ATRN: variants seen among roughly 807,000 people sequenced by gnomAD.
The protein encoded by ATRN is attractin.
A neutral mutation model predicts 178.7 loss-of-function variants in ATRN; 54 were observed. The observed-to-expected ratio is 0.30, with a 90% CI of 0.24 to 0.38. The LOEUF (loss-of-function observed/expected upper bound fraction) is 0.38. Among genes scored for constraint, ATRN ranks in the 10% least tolerant of loss-of-function variants. The pLI is 1.00. For synonymous variants in ATRN, 636 were observed against 663.0 expected (o/e 0.96, Z 0.63); for missense variants, 1,443 against 1,815.1 (o/e 0.79, Z 3.73).
chr20:3,540,268 T>G lies in ATRN; in HGVS notation c.541T>G (p.Cys181Gly). 6.2e-7 allele frequency: 1 copy of G among 1,610,320 alleles called. No individual in the cohort carries two copies. Among genetic ancestry groups the G allele is most frequent in the Non-Finnish European group, 8.5e-7 (1 of 1,178,356 alleles). The change falls in exon 3 of 29, where the codon TGT becomes GGT. Residue 181 changes from cysteine (C) to glycine (G), a missense_variant. By Grantham distance (159) the Cys-to-Gly change is radical. Transcript: ENST00000262919. ...RLRFNHFATECSWDHLYVYDG... is the reference protein window; with the variant it reads ...RLRFNHFATEGSWDHLYVYDG... ...TCGTTTCAATCATTTTGCTACAGAG[T>G]GTAGTTGGGACCATTTATATGTTTA...
intron 3 of ATRN, 50 bp downstream of exon 3, chr20:3,540,385 A>T: frequency 8.3e-7 from 1 of 1,197,896 alleles, no homozygotes; most frequent in Non-Finnish European, 1.2e-6. Flanking sequence ...TCTAAATTTA[A>T]ACATATCTTC....
intron 11 of ATRN, among the ~76,000 whole-genome samples, chr20:3,566,995 A>G (rs933246325): frequency 6.6e-6 from 1 of 151,744 alleles, no homozygotes; most frequent in African/African-American, 2.4e-5. Context: ...GGAACTAGCT[A>G]CTAGGAAAAG....
chr20:3,473,736 C>T (rs887037496), intron 1 of ATRN, among the ~76,000 whole-genome samples: 2 of 152,014 alleles, frequency 1.3e-5, no homozygotes, highest in Admixed American at 6.5e-5. Context: ...TGGGGACCAG[C>T]GGTGTGGGAA....
chr20:3,598,362 G>T (rs1276841418), intron 22 of ATRN, among the ~76,000 whole-genome samples: 1 of 152,140 alleles, frequency 6.6e-6, no homozygotes, highest in Non-Finnish European at 1.5e-5. Context: ...AGACACTGCT[G>T]ATTGAAATGC....
chr20:3,639,032 C>T lies in ATRN; in HGVS notation c.4050+97C>T, dbSNP rs192272318. The T allele has an allele frequency of 9.7e-5, 81 of 835,108 alleles. 1 individual carries two copies. In the Admixed American group the frequency reaches 2.1e-3, roughly 22 times the overall value. 51.7% of individuals were successfully genotyped at this position (835,108 alleles called of 1,614,324 possible). ...AGAGAGCAAAAGCCCTATTCCATTACCTCCTTTTTTTCCTCTCTTTCTTTT... is the reference window on the plus strand; with the variant it reads ...AGAGAGCAAAAGCCCTATTCCATTATCTCCTTTTTTTCCTCTCTTTCTTTT... On this transcript the variant is annotated intron_variant, in intron 27 of 28. Transcript: ENST00000262919.
At chr20:3,626,427 A>T (rs2086940524) in intron 25 of ATRN, among the ~76,000 whole-genome samples, 1 of 152,206 alleles carries the variant, frequency 6.6e-6, no homozygotes, top group African/African-American at 2.4e-5. Context: ...AGTGTAATAT[A>T]AAGTTACAGA....
At chr20:3,557,138 A>G (rs1192478996) in intron 6 of ATRN, among the ~76,000 whole-genome samples, 1 of 152,240 alleles carries the variant, frequency 6.6e-6, no homozygotes, top group Non-Finnish European at 1.5e-5. Context: ...ATTCCAAAAA[A>G]GCTTTGCAGT....
chr20:3,541,343 C>T (rs1385363032), intron 3 of ATRN, among the ~76,000 whole-genome samples: 1 of 152,108 alleles, frequency 6.6e-6, no homozygotes, highest in African/African-American at 2.4e-5. Context: ...TCCCAAAGTG[C>T]TGGGATTACA....
rs890708060 is a variant in ATRN at position 3,632,771 on chromosome 20, A to G, written c.3864-1540A>G. On this transcript the variant is annotated intron_variant, in intron 25 of 28. Transcript: ENST00000262919. The surrounding 1 kb of genome is among the most constrained non-coding windows in gnomAD (Gnocchi z 4.2). ...CTCCACCTGCTGGAATGTAAATTCC[A>G]TGGGACAGTAATCTTTGCTCTGTTT... Among the ~76,000 whole-genome samples the G allele has an allele frequency of 6.6e-6, 1 of 152,216 alleles. No homozygotes were observed. The highest frequency in any genetic ancestry group is 1.5e-5 in the Non-Finnish European group (1 of 68,046).
chr20:3,529,479 A>C (rs536916693), intron 1 of ATRN, among the ~76,000 whole-genome samples: 1 of 152,366 alleles, frequency 6.6e-6, no homozygotes, highest in South Asian at 2.1e-4. Context: ...CATACAAGAG[A>C]ATACTACTCA....
chr20:3,540,398 G>T, intron 3 of ATRN, 63 bp downstream of exon 3: 1 of 1,069,736 alleles, frequency 9.3e-7, no homozygotes, highest in Non-Finnish European at 1.4e-6. Context: ...ATATCTTCTG[G>T]ATTGCATTCT....
At position 3,649,749 on chromosome 20, in the gene ATRN, A is replaced by G. The variant is rs1370441515; in HGVS notation, c.*2902A>G. ...TGAGAAATGTTTCTCTTAGTCTTTA[A>G]GTTCAAAGACTAACCTGTAGCAATC... On this transcript the variant is annotated 3_prime_UTR_variant, in exon 29 of 29. Coordinates refer to ENST00000262919, the MANE Select transcript of ATRN (RefSeq NM_139321.3). 6.6e-6 allele frequency: 1 copy of G among 152,184 alleles called. No homozygotes were observed. Among genetic ancestry groups the G allele is most frequent in the African/African-American group, 2.4e-5 (1 of 41,434 alleles). The allele number at this position is 152,184 out of a possible 1,614,324, so 9.4% of individuals were successfully genotyped here.
chr20:3,569,916 C>CA (rs2086095193), intron 11 of ATRN, among the ~76,000 whole-genome samples: 1 of 151,920 alleles, frequency 6.6e-6, no homozygotes, highest in South Asian at 2.1e-4. Context: ...ACTAGAAATA[C>CA]AAAAATTAGC....
chr20:3,618,306 G>T (rs1175769172), intron 24 of ATRN, among the ~76,000 whole-genome samples: 1 of 152,154 alleles, frequency 6.6e-6, no homozygotes, highest in East Asian at 1.9e-4. Flanking sequence ...GCCTAAAATG[G>T]ATAGATCAGG....
At chr20:3,620,164 T>C (rs2086885722) in intron 24 of ATRN, among the ~76,000 whole-genome samples, 1 of 152,044 alleles carries the variant, frequency 6.6e-6, no homozygotes, top group African/African-American at 2.4e-5. Flanking sequence ...TTTTTTTTTT[T>C]CAATGCAGTT....
At chr20:3,640,888 G>A (rs1050886433) in intron 27 of ATRN, among the ~76,000 whole-genome samples, 2 of 152,230 alleles carry the variant, frequency 1.3e-5, no homozygotes, top group Admixed American at 1.3e-4. Flanking sequence ...AAATGGATAA[G>A]CACAACGTGG....
intron 10 of ATRN, 84 bp downstream of exon 10, chr20:3,563,447 C>CT: frequency 1.4e-6 from 2 of 1,395,326 alleles, no homozygotes; most frequent in Non-Finnish European, 1.9e-6. Flanking sequence ...GAAAATATTG[C>CT]CAGTTCAAAA....
At position 3,647,672 on chromosome 20, in the gene ATRN, G is replaced by C. The variant is rs925163587; in HGVS notation, c.*825G>C. 1 of 152,116 alleles carries C rather than the reference G, an allele frequency of 6.6e-6. No individual in the cohort carries two copies. Among genetic ancestry groups the C allele is most frequent in the Non-Finnish European group, 1.5e-5 (1 of 68,026 alleles). 9.4% of individuals were successfully genotyped at this position (152,116 alleles called of 1,614,324 possible). ...TTTAAATAGATCTAGCAATTGGAAA[G>C]TTAGTAAGCCTAAGTTTTTACATAA... On this transcript the variant is annotated 3_prime_UTR_variant, in exon 29 of 29. Transcript: ENST00000262919.
chr20:3,615,589 T>A (rs2086834751), intron 24 of ATRN, among the ~76,000 whole-genome samples: 2 of 138,656 alleles, frequency 1.4e-5, no homozygotes, highest in Admixed American at 7.3e-5. Flanking sequence ...AGAGTCTCAC[T>A]CTGTCGCCCA....
Sources: gnomAD v4.1 joint callset for allele counts (sites outside exome capture counted in the v4.1 genomes callset) on GRCh38, gnomAD v4.1.1 for gene constraint, Gnocchi (gnomAD v3.1) non-coding constraint, MANE v1.5 for transcripts, NCBI Gene and HGNC (gene_info 2026-07-23, HGNC 2026-07-21) for gene names.